EXOC6B: variants seen among roughly 807,000 people sequenced by gnomAD.
EXOC6B encodes exocyst complex component 6B.
A neutral mutation model predicts 113.5 loss-of-function variants in EXOC6B; 54 were observed. That is an observed-to-expected ratio of 0.48 (90% CI 0.38 to 0.60). The LOEUF (loss-of-function observed/expected upper bound fraction) is 0.60. Ranked by LOEUF, EXOC6B falls within the 20% of genes least tolerant of loss-of-function variation. The probability of loss-of-function intolerance (pLI) is 0.00; values close to 1 mark genes in which losing one functional copy is unlikely to be tolerated. For synonymous variants in EXOC6B, 357 were observed against 339.0 expected (o/e 1.05, Z -0.58); for missense variants, 797 against 977.5 (o/e 0.82, Z 2.46).
At chr2:72,570,548 C>T (rs931016214) in intron 7 of EXOC6B, among the ~76,000 whole-genome samples, 4 of 152,108 alleles carry the variant, frequency 2.6e-5, no homozygotes, top group Non-Finnish European at 5.9e-5. Context: ...ATCATTTGGT[C>T]AACAAATATT....
At chr2:72,306,934 C>T (rs922707137) in intron 20 of EXOC6B, among the ~76,000 whole-genome samples, 17 of 151,986 alleles carry the variant, frequency 1.1e-4, no homozygotes, top group African/African-American at 3.1e-4. Flanking sequence ...TTTCATGTTG[C>T]TTTTTTAGGT....
intron 6 of EXOC6B, among the ~76,000 whole-genome samples, chr2:72,583,865 C>T (rs1457345098): frequency 2.0e-5 from 3 of 152,020 alleles, no homozygotes; most frequent in South Asian, 2.1e-4. Context: ...GGACTACAGG[C>T]GCACGCTACC....
At chr2:72,207,254 T>C (rs924170415) in intron 20 of EXOC6B, among the ~76,000 whole-genome samples, 1 of 152,248 alleles carries the variant, frequency 6.6e-6, no homozygotes, top group East Asian at 1.9e-4. Flanking sequence ...AATGTCTTGA[T>C]GAAAATACTT....
chr2:72,752,043 C>T (rs1508064), intron 1 of EXOC6B, among the ~76,000 whole-genome samples: 6,198 of 152,146 alleles, frequency 0.041, 195 homozygotes, highest in Admixed American at 0.082. Flanking sequence ...GACCCCTAGA[C>T]CCATGCAAAC....
chr2:72,250,039 A>G (rs1377924841), intron 20 of EXOC6B, among the ~76,000 whole-genome samples: 1 of 152,244 alleles, frequency 6.6e-6, no homozygotes, highest in African/African-American at 2.4e-5. Context: ...TGTCTGGCAC[A>G]TGGTAATACA....
In EXOC6B at chr2:72,480,725, G is replaced by T. The variant is rs183639807; in HGVS notation, c.1691C>A (p.Thr564Lys). 2 of 1,600,040 alleles carry T rather than the reference G, an allele frequency of 1.2e-6. No homozygotes were observed. Among genetic ancestry groups the T allele is most frequent in the Non-Finnish European group, 1.7e-6 (2 of 1,172,446 alleles). Reference sequence around the variant, plus strand: ...GTACTTACAGGATTTCTCCAAATGTGTTGTATTGATAATAATCTGAACAAG... The same window carrying T: ...GTACTTACAGGATTTCTCCAAATGTTTTGTATTGATAATAATCTGAACAAG... Reference protein sequence around the residue: ...TELVQIIINTTHLEKSCKYLE... With the variant: ...TELVQIIINTKHLEKSCKYLE... Residue 564 changes from threonine (T) to lysine (K), a missense_variant, in exon 17 of 22, where the codon ACA (threonine) becomes AAA (lysine). Thr to Lys is a moderately conservative substitution (Grantham distance 78, BLOSUM62 -1). Coordinates refer to ENST00000272427, the MANE Select transcript of EXOC6B (RefSeq NM_015189.3).
At chr2:72,232,320 C>T (rs902320298) in intron 20 of EXOC6B, among the ~76,000 whole-genome samples, 19 of 152,160 alleles carry the variant, frequency 1.2e-4, no homozygotes, top group African/African-American at 4.1e-4. Flanking sequence ...ATATTTAATA[C>T]CGGTTATAGT....
At chr2:72,809,725 A>G (rs1329021849) in intron 1 of EXOC6B, among the ~76,000 whole-genome samples, 2 of 152,210 alleles carry the variant, frequency 1.3e-5, no homozygotes, top group Non-Finnish European at 2.9e-5. Context: ...CAAACAACAG[A>G]GCTAATAAAT....
intron 6 of EXOC6B, among the ~76,000 whole-genome samples, chr2:72,603,648 T>C (rs142186879): frequency 2.6e-5 from 4 of 152,302 alleles, no homozygotes; most frequent in African/African-American, 7.2e-5. Context: ...GGTGTGTACC[T>C]ATCTGCTGGT....
chr2:72,255,908 T>C (rs1683326476), intron 20 of EXOC6B, among the ~76,000 whole-genome samples: 1 of 152,144 alleles, frequency 6.6e-6, no homozygotes, highest in South Asian at 2.1e-4. Flanking sequence ...CTACATTTGG[T>C]TGGATGGTGA....
At chr2:72,498,208 G>A (rs1700137234) in intron 13 of EXOC6B, among the ~76,000 whole-genome samples, 2 of 152,132 alleles carry the variant, frequency 1.3e-5, no homozygotes, top group African/African-American at 2.4e-5. Context: ...AAACAAAAAG[G>A]CAAAATAGGG....
At chr2:72,208,088 T>A (rs572172105) in intron 20 of EXOC6B, among the ~76,000 whole-genome samples, 10 of 152,182 alleles carry the variant, frequency 6.6e-5, no homozygotes, top group African/African-American at 2.2e-4. Context: ...TTAAAAAAAA[T>A]TTCAGTTTTT....
At chr2:72,763,104 C>T (rs1333836918) in intron 1 of EXOC6B, among the ~76,000 whole-genome samples, 1 of 150,716 alleles carries the variant, frequency 6.6e-6, no homozygotes, top group Non-Finnish European at 1.5e-5. Flanking sequence ...TGTTCTAATT[C>T]AGTTAAGGAG....
chr2:72,820,122 C>G (rs1012071819), intron 1 of EXOC6B, among the ~76,000 whole-genome samples: 1 of 152,088 alleles, frequency 6.6e-6, no homozygotes, highest in South Asian at 2.1e-4. Context: ...ATCAAATGAC[C>G]TTAAATAAAA....
At chr2:72,742,336 AT>A (rs879828212) in intron 1 of EXOC6B, among the ~76,000 whole-genome samples, 27 of 151,964 alleles carry the variant, frequency 1.8e-4, no homozygotes, top group Non-Finnish European at 3.7e-4. Flanking sequence ...AATTGTTTTT[AT>A]TTTTTTAATA....
At chr2:72,422,679 T>A (rs1009034452) in intron 18 of EXOC6B, among the ~76,000 whole-genome samples, 21 of 152,052 alleles carry the variant, frequency 1.4e-4, no homozygotes, top group Admixed American at 1.1e-3. Context: ...AGAACCTTTA[T>A]GTCTAGCTCA....
intron 6 of EXOC6B, among the ~76,000 whole-genome samples, chr2:72,579,453 A>C (rs1303790192): frequency 6.6e-6 from 1 of 152,228 alleles, no homozygotes; most frequent in Non-Finnish European, 1.5e-5. Flanking sequence ...TAAAGGCAAC[A>C]GGTAACAAAA....
At chr2:72,250,564 G>A (rs1573089937) in intron 20 of EXOC6B, among the ~76,000 whole-genome samples, 1 of 151,652 alleles carries the variant, frequency 6.6e-6, no homozygotes, top group East Asian at 1.9e-4. Context: ...GGCTGGTCTT[G>A]AACTCCTGAG....
intron 19 of EXOC6B, among the ~76,000 whole-genome samples, chr2:72,340,296 G>T (rs536762316): frequency 1.7e-4 from 26 of 152,238 alleles, no homozygotes; most frequent in African/African-American, 5.5e-4. Flanking sequence ...TTTATCAAAA[G>T]AAGTCTGTGA....
Sources: allele counts gnomAD v4.1 joint callset (sites outside exome capture counted in the v4.1 genomes callset), GRCh38; gene constraint gnomAD v4.1.1; transcripts MANE v1.5; gene names NCBI Gene and HGNC (gene_info 2026-07-23, HGNC 2026-07-21).